The following DLG2 variants were observed in gnomAD, a reference collection of about 807,000 sequenced individuals.
The protein encoded by DLG2 is disks large homolog 2.
DLG2 carries 45 observed loss-of-function variants against 132.5 expected under a neutral mutation model. The ratio of observed to expected loss-of-function variants is 0.34; its 90% CI spans 0.27 to 0.44. The LOEUF (loss-of-function observed/expected upper bound fraction) is 0.44. DLG2 is among the 20% of genes least tolerant of loss of function. The pLI is 1.00. For synonymous variants in DLG2, 424 were observed against 419.6 expected (o/e 1.01, Z -0.13); for missense variants, 1,045 against 1,196.9 (o/e 0.87, Z 1.87).
chr11:84,734,955 T>C (rs2063635113), intron 6 of DLG2, among the ~76,000 whole-genome samples: 1 of 152,236 alleles, frequency 6.6e-6, no homozygotes. Context: ...GATTTGCGTA[T>C]GTTGAACCAG....
At chr11:83,462,554 G>T (rs779963062) in intron 26 of DLG2, among the ~76,000 whole-genome samples, 4 of 152,148 alleles carry the variant, frequency 2.6e-5, no homozygotes, top group Admixed American at 6.5e-5. Flanking sequence ...GTGTATCTCA[G>T]ACTTTCTGAA....
chr11:84,964,322 T>C (rs1352770705), intron 6 of DLG2, among the ~76,000 whole-genome samples: 1 of 152,176 alleles, frequency 6.6e-6, no homozygotes, highest in Non-Finnish European at 1.5e-5. Flanking sequence ...TTTTACTGAA[T>C]TTCTGCTGCT....
chr11:84,482,300 A>G (rs1457400822), intron 7 of DLG2, among the ~76,000 whole-genome samples: 1 of 152,214 alleles, frequency 6.6e-6, no homozygotes, highest in East Asian at 1.9e-4. Flanking sequence ...TTTCTATAAT[A>G]TAGCCTCATG....
intron 11 of DLG2, among the ~76,000 whole-genome samples, chr11:84,002,688 C>T (rs981236491): frequency 6.6e-6 from 1 of 152,074 alleles, no homozygotes; most frequent in African/African-American, 2.4e-5. Flanking sequence ...TCCTTGCCCA[C>T]AAAAACCATT....
At chr11:83,472,815 A>C in intron 22 of DLG2, 38 bp from the exon 23 acceptor site, 1 of 1,562,258 alleles carries the variant, frequency 6.4e-7, no homozygotes, top group Non-Finnish European at 8.8e-7. Context: ...GTGAACTAAC[A>C]GTCATATATT....
intron 17 of DLG2, chr11:83,814,651 A>T (rs17146129): frequency 0.025 from 3,864 of 156,138 alleles, 143 homozygotes; most frequent in African/African-American, 0.085. Context: ...CTCTCCTAGG[A>T]TTCTCTAAAA....
intron 9 of DLG2, among the ~76,000 whole-genome samples, chr11:84,143,320 TAAG>T (rs1802855239): frequency 6.6e-6 from 1 of 152,138 alleles, no homozygotes; most frequent in African/African-American, 2.4e-5. Flanking sequence ...TTTTGAATGA[TAAG>T]AAGAAGTTGA....
intron 9 of DLG2, among the ~76,000 whole-genome samples, chr11:84,130,464 C>A (rs936526500): frequency 2.9e-5 from 4 of 138,016 alleles, no homozygotes; most frequent in African/African-American, 1.2e-4. Flanking sequence ...AAGAAATTAT[C>A]AAACATCAAA....
intron 2 of DLG2, among the ~76,000 whole-genome samples, chr11:85,605,340 A>G (rs2080454233): frequency 6.6e-6 from 1 of 150,728 alleles, no homozygotes; most frequent in South Asian, 2.1e-4. Context: ...GCATATTTTT[A>G]TGGAAAAAAT....
intron 6 of DLG2, among the ~76,000 whole-genome samples, chr11:84,746,784 A>G (rs2065425636): frequency 6.6e-6 from 1 of 152,216 alleles, no homozygotes; most frequent in African/African-American, 2.4e-5. Flanking sequence ...ATTATTCTAA[A>G]GAGTTCGGGC....
At chr11:83,827,909 G>A (rs532989632) in intron 17 of DLG2, among the ~76,000 whole-genome samples, 1 of 152,260 alleles carries the variant, frequency 6.6e-6, no homozygotes, top group East Asian at 1.9e-4. Context: ...ATTCCGTTCT[G>A]CAACAAATCC....
intron 4 of DLG2, among the ~76,000 whole-genome samples, chr11:85,191,494 C>A (rs147413270): frequency 6.6e-6 from 1 of 152,080 alleles, no homozygotes; most frequent in African/African-American, 2.4e-5. Flanking sequence ...ACAGTCCTGG[C>A]TAGCTTGAAA....
intron 21 of DLG2, among the ~76,000 whole-genome samples, chr11:83,487,870 G>A (rs987010232): frequency 2.0e-5 from 3 of 151,976 alleles, no homozygotes; most frequent in African/African-American, 7.2e-5. Context: ...CCATTAACTG[G>A]CAAATCTGTG....
chr11:85,380,678 A>G (rs1453833377), intron 3 of DLG2, among the ~76,000 whole-genome samples: 2 of 152,234 alleles, frequency 1.3e-5, no homozygotes, highest in African/African-American at 2.4e-5. Flanking sequence ...ACAATAAAAA[A>G]AAGTGAACAT....
chr11:84,177,447 T>C (rs1174387205), intron 8 of DLG2, among the ~76,000 whole-genome samples: 1 of 152,200 alleles, frequency 6.6e-6, no homozygotes, highest in Non-Finnish European at 1.5e-5. Context: ...CTGTGTTAAG[T>C]ATCAGCTCAG....
At chr11:83,650,284 C>T (rs952121761) in intron 18 of DLG2, among the ~76,000 whole-genome samples, 1 of 151,994 alleles carries the variant, frequency 6.6e-6, no homozygotes, top group Non-Finnish European at 1.5e-5. Context: ...TGAATGTGTC[C>T]TAAATATAAT....
chr11:83,842,561 G>A (rs943473525), intron 16 of DLG2, among the ~76,000 whole-genome samples: 5 of 149,698 alleles, frequency 3.3e-5, no homozygotes, highest in African/African-American at 7.4e-5. Context: ...GGGCACGGTG[G>A]CTCATGCTTG....
At chr11:83,790,123 G>T in intron 17 of DLG2, 3 of 898,016 alleles carry the variant, frequency 3.3e-6, no homozygotes, top group South Asian at 3.4e-5. Flanking sequence ...TGGCCAGTCT[G>T]ACAAGGTAAG....
chr11:84,221,558 G>A (rs180796266), intron 8 of DLG2, among the ~76,000 whole-genome samples: 3 of 152,152 alleles, frequency 2.0e-5, no homozygotes, highest in Admixed American at 1.3e-4. Flanking sequence ...TTTCCTCCAG[G>A]CCATTTTCTA....
Sources: gnomAD v4.1 joint callset for allele counts (sites outside exome capture counted in the v4.1 genomes callset) on GRCh38, gnomAD v4.1.1 for gene constraint, MANE v1.5 for transcripts, NCBI Gene and HGNC (gene_info 2026-07-23, HGNC 2026-07-21) for gene names.